FTCDNL1: variants seen among roughly 807,000 people sequenced by gnomAD.
The protein encoded by FTCDNL1 is formiminotransferase cyclodeaminase N-terminal like.
A neutral mutation model predicts 5.9 loss-of-function variants in FTCDNL1; 11 were observed. The observed-to-expected ratio is 1.87, with a 90% CI of 1.18 to 3.10. FTCDNL1 has a LOEUF of 3.10. Among genes scored for constraint, FTCDNL1 ranks in the 30% most tolerant of loss-of-function variants. The pLI, the probability that FTCDNL1 is intolerant of heterozygous loss-of-function variation, is 0.00. For missense variants in FTCDNL1, 115 were observed against 65.5 expected, an observed-to-expected ratio of 1.76 and a Z score of -2.61; for synonymous variants, 58 against 24.8, an observed-to-expected ratio of 2.34 and a Z score of -3.99.
the FTCDNL1 span, among the ~76,000 whole-genome samples, chr2:199,717,584 GAAT>G: frequency 3.3e-5 from 4 of 122,062 alleles, no homozygotes; most frequent in African/African-American, 6.4e-5. Flanking sequence ...TCATTTCACA[GAAT>G]AATATACAAC....
At chr2:199,792,924 TC>T (rs1700001984) in intron 3 of FTCDNL1, among the ~76,000 whole-genome samples, 1 of 152,224 alleles carries the variant, frequency 6.6e-6, no homozygotes, top group Non-Finnish European at 1.5e-5. Flanking sequence ...ACATATTTTT[TC>T]CCCTCTAGAT....
chr2:199,742,324 C>T, the FTCDNL1 span, among the ~76,000 whole-genome samples: 1 of 152,216 alleles, frequency 6.6e-6, no homozygotes, highest in Non-Finnish European at 1.5e-5. Flanking sequence ...ATTTACTATA[C>T]CAATGTGGGG....
At chr2:199,748,140 TATA>T in the FTCDNL1 span, among the ~76,000 whole-genome samples, 1 of 152,044 alleles carries the variant, frequency 6.6e-6, no homozygotes, top group Admixed American at 6.6e-5. Flanking sequence ...GTTGAAAAAA[TATA>T]ATAATTCAAT....
chr2:199,780,447 T>C lies in FTCDNL1; in HGVS notation c.212-19612A>G, dbSNP rs934789371. Among the ~76,000 whole-genome samples the C allele has an allele frequency of 5.3e-5, 8 of 152,306 alleles. No individual in the cohort carries two copies. In the South Asian group the frequency reaches 6.2e-4, roughly 12 times the overall value. On this transcript the variant is annotated intron_variant, in intron 3 of 3. Coordinates refer to the FTCDNL1 transcript ENST00000416668. The stretch of plus-strand genomic sequence containing the variant: ...AGGCCATTCACCCCCATGTGCTTCA[T>C]GTAACAAGTTCTGGGATCAGTTTCT...
the FTCDNL1 span, among the ~76,000 whole-genome samples, chr2:199,727,052 C>T: frequency 6.6e-6 from 1 of 152,226 alleles, no homozygotes; most frequent in East Asian, 1.9e-4. Context: ...CCCCTCCCCA[C>T]AGGGGCTCTG....
At chr2:199,717,968 TA>T in the FTCDNL1 span, among the ~76,000 whole-genome samples, 8 of 109,960 alleles carry the variant, frequency 7.3e-5, no homozygotes, top group South Asian at 1.1e-3. Flanking sequence ...ATTCACTGCT[TA>T]AAAAAAACCA....
intron 3 of FTCDNL1, among the ~76,000 whole-genome samples, chr2:199,784,730 C>A (rs1454862967): frequency 6.6e-6 from 1 of 152,166 alleles, no homozygotes. Context: ...GGGCTCTCCC[C>A]AGGGAGGAAG....
the FTCDNL1 span, among the ~76,000 whole-genome samples, chr2:199,703,128 A>C: frequency 6.6e-6 from 1 of 152,074 alleles, no homozygotes; most frequent in Admixed American, 6.6e-5. Context: ...ATATGTATAC[A>C]TGTGCCATGC....
At chr2:199,776,042 T>A (rs1054627947) in intron 3 of FTCDNL1, among the ~76,000 whole-genome samples, 1 of 151,788 alleles carries the variant, frequency 6.6e-6, no homozygotes, top group Non-Finnish European at 1.5e-5. Flanking sequence ...GCCTCCTGAG[T>A]AGCTGGGACT....
At chr2:199,754,943 A>C in the FTCDNL1 span, among the ~76,000 whole-genome samples, 1 of 152,234 alleles carries the variant, frequency 6.6e-6, no homozygotes, top group Non-Finnish European at 1.5e-5. Context: ...CAAGCTTTGG[A>C]AATCTCTGCA....
chr2:199,776,675 C>T (rs138172307), intron 3 of FTCDNL1, among the ~76,000 whole-genome samples: 1 of 152,230 alleles, frequency 6.6e-6, no homozygotes, highest in African/African-American at 2.4e-5. Flanking sequence ...GTGGTAGACA[C>T]TCCGTAGATA....
In FTCDNL1 at chr2:199,850,967, T is replaced by A. The variant is rs920173531; in HGVS notation, c.-235A>T. On this transcript the variant is annotated 5_prime_UTR_variant, in exon 1 of 5. Coordinates refer to ENST00000420128, the MANE Select transcript of FTCDNL1 (RefSeq NM_001363886.2). ...ACGCAGCAGCGGCGAGGGCGCGGGG[T>A]TGTGGCGCCTGGGAGCGAGGGGCAG... is the stretch of plus-strand genomic sequence containing the variant. 3.9e-5 allele frequency: 6 copies of A among 151,904 alleles called. No individual in the cohort carries two copies. Among genetic ancestry groups the A allele is most frequent in the Non-Finnish European group, 8.8e-5 (6 of 67,962 alleles). The allele number at this position is 151,904 out of a possible 1,614,324, so 9.4% of individuals were successfully genotyped here. A position where few individuals can be genotyped will look rare whatever the true frequency, so the allele number is the denominator to read the frequency against.
At chr2:199,845,385 G>A (rs4673506) in intron 3 of FTCDNL1, among the ~76,000 whole-genome samples, 12,462 of 151,912 alleles carry the variant, frequency 0.082, 671 homozygotes, top group East Asian at 0.16. Flanking sequence ...TGGCCAACAC[G>A]GCAAATCCCC....
the FTCDNL1 span, among the ~76,000 whole-genome samples, chr2:199,734,640 C>G: frequency 6.6e-6 from 1 of 152,132 alleles, no homozygotes; most frequent in South Asian, 2.1e-4. Context: ...GACACATGAT[C>G]ACCAAAGGCA....
At chr2:199,669,856 TA>T in the FTCDNL1 span, among the ~76,000 whole-genome samples, 6,943 of 152,246 alleles carry the variant, frequency 0.046, 545 homozygotes, top group African/African-American at 0.16. Context: ...GATAATATTT[TA>T]TACAAGATTT....
rs377055876 is a variant in FTCDNL1 at position 199,814,176 on chromosome 2, A to G, written c.398-1452T>C. On this transcript the variant is annotated intron_variant, in intron 4 of 4. Coordinates refer to ENST00000420128, the MANE Select transcript of FTCDNL1 (RefSeq NM_001363886.2). ...ATTGGTATTTTAAATTTTTTAGACC[A>G]TGCACTAAAGGGAAACCACAGCTGA... Among the ~76,000 whole-genome samples the G allele has an allele frequency of 3.3e-5, 5 of 152,334 alleles. No individual in the cohort carries two copies. In the East Asian group the frequency reaches 7.7e-4, roughly 23 times the overall value.
chr2:199,840,041 T>C (rs1156799298), intron 3 of FTCDNL1, among the ~76,000 whole-genome samples: 1 of 152,204 alleles, frequency 6.6e-6, no homozygotes, highest in Non-Finnish European at 1.5e-5. Flanking sequence ...AAAGTCATGA[T>C]GATGGCTGAG....
At chr2:199,762,851 A>C (rs1486829921) in intron 3 of FTCDNL1, among the ~76,000 whole-genome samples, 1 of 152,186 alleles carries the variant, frequency 6.6e-6, no homozygotes, top group African/African-American at 2.4e-5. Flanking sequence ...AAGTGAGATA[A>C]GGTAATAGCA....
chr2:199,842,176 G>A (rs1004645136), intron 3 of FTCDNL1, among the ~76,000 whole-genome samples: 1 of 152,046 alleles, frequency 6.6e-6, no homozygotes, highest in African/African-American at 2.4e-5. Context: ...GCTGAGGCAT[G>A]AGAATCACTT....
Sources: gnomAD v4.1 joint callset for allele counts (sites outside exome capture counted in the v4.1 genomes callset) on GRCh38, gnomAD v4.1.1 for gene constraint, MANE v1.5 for transcripts, NCBI Gene and HGNC (gene_info 2026-07-23, HGNC 2026-07-21) for gene names.